TNN: variants seen among roughly 807,000 people sequenced by gnomAD.
TNN encodes tenascin-N.
Under a neutral mutation model 134.4 loss-of-function variants are expected in TNN, and 122 were observed. That is an observed-to-expected ratio of 0.91 (90% CI 0.78 to 1.06). TNN has a LOEUF of 1.06. TNN is among the 50% of genes least tolerant of loss of function. TNN has a pLI of 0.00. For missense variants in TNN, 1,739 were observed against 1,699.4 expected (o/e 1.02, Z -0.41); for synonymous variants, 710 against 670.3 (o/e 1.06, Z -0.91).
intron 4 of TNN, among the ~76,000 whole-genome samples, 194 bp from the exon 5 acceptor site, chr1:175,083,556 G>A (rs999126669): frequency 1.3e-5 from 2 of 152,184 alleles, no homozygotes; most frequent in Non-Finnish European, 2.9e-5. Flanking sequence ...TCTGCCCATG[G>A]AATATGTGAA....
chr1:175,097,294 C>A (rs1674592937), intron 7 of TNN, 123 bp from the exon 8 acceptor site: 1 of 1,261,814 alleles, frequency 7.9e-7, no homozygotes, highest in East Asian at 2.3e-5. Context: ...TACATTAACT[C>A]AATCATTGAC....
chr1:175,079,192 T>C (rs1674126857), intron 2 of TNN, 141 bp from the exon 3 acceptor site: 1 of 1,061,400 alleles, frequency 9.4e-7, no homozygotes, highest in Non-Finnish European at 1.3e-6. Flanking sequence ...CTCCAAAAAA[T>C]AGCCGTGCAA....
Position 175,142,905 on chromosome 1 carries a change from C to G in TNN, c.3596-1482C>G, listed in dbSNP as rs151245675. ...TGCTGGGATTACAGGTGTGAGCCAC[C>G]GTGCCTGGCCCATTTGCATTTCTAA... On this transcript the variant is annotated intron_variant, in intron 17 of 18. Transcript: ENST00000239462. Among the ~76,000 whole-genome samples, 67 of 152,282 alleles carry G rather than the reference C, an allele frequency of 4.4e-4. 1 individual carries two copies. In the East Asian group the frequency reaches 0.012, roughly 26 times the overall value.
At chr1:175,100,433 C>T (rs548465937) in intron 9 of TNN, among the ~76,000 whole-genome samples, 57 of 152,354 alleles carry the variant, frequency 3.7e-4, no homozygotes, top group Middle Eastern at 6.8e-3. Flanking sequence ...CCATGGGACT[C>T]ACAGTGTATC....
intron 9 of TNN, among the ~76,000 whole-genome samples, chr1:175,104,356 C>A (rs1487532693): frequency 6.8e-6 from 1 of 145,998 alleles, no homozygotes; most frequent in East Asian, 2.3e-4. Context: ...GTTGTTGGAT[C>A]ATCTGGTTGG....
rs753551897 is a variant in TNN, at chr1:175,135,899, T to C, written c.3385T>C (p.Tyr1129His). 3.1e-6 allele frequency: 5 copies of C among 1,613,812 alleles called. No individual in the cohort carries two copies. The African/African-American group carries it at 6.7e-5, about 22-fold the overall frequency. Reference protein sequence around the residue: ...QLDFFKRWRSYVEGFGDPMKE... With the variant: ...QLDFFKRWRSHVEGFGDPMKE... The stretch of plus-strand genomic sequence containing the variant: ...GGATTTCTTCAAGCGATGGAGGAGC[T>C]ATGTGGAAGGCTTTGGGGACCCCAT... Residue 1129 changes from tyrosine (Y) to histidine (H), a missense_variant, in exon 16 of 19, where the codon TAT (tyrosine) becomes CAT (histidine). By Grantham distance (83) the Tyr-to-His change is moderately conservative. Transcript: ENST00000239462.
intron 1 of TNN, among the ~76,000 whole-genome samples, chr1:175,074,484 G>GAAA (rs55952749): frequency 1.1e-3 from 128 of 118,876 alleles, no homozygotes; most frequent in East Asian, 1.5e-3. Context: ...GATCCTGTCT[G>GAAA]AAAAAAAAAA....
rs372189219 is a variant in TNN at position 175,073,408 on chromosome 1, C to T, written c.-35-3976C>T. ...GCCTTCCAACTCATTTTCCTGGCTT[C>T]CCACTCCCCCCATCTTCTGACAAAA... is the stretch of plus-strand genomic sequence containing the variant. On this transcript the variant is annotated intron_variant, in intron 1 of 18. Coordinates refer to ENST00000239462, the MANE Select transcript of TNN (RefSeq NM_022093.2). Among the ~76,000 whole-genome samples, 41 of 152,234 alleles carry T rather than the reference C, an allele frequency of 2.7e-4. 1 individual carries two copies. Among genetic ancestry groups the T allele is most frequent in the African/African-American group, 9.4e-4 (39 of 41,526 alleles).
At chr1:175,116,178 A>G (rs148134279) in intron 9 of TNN, among the ~76,000 whole-genome samples, 3,074 of 152,278 alleles carry the variant, frequency 0.02, 43 homozygotes, top group South Asian at 0.028. Context: ...AATATTCACA[A>G]TAACTCTGTA....
At chr1:175,137,620 T>A (rs1287394344) in intron 17 of TNN, among the ~76,000 whole-genome samples, 1 of 152,156 alleles carries the variant, frequency 6.6e-6, no homozygotes, top group East Asian at 1.9e-4. Flanking sequence ...TTAAGCAACA[T>A]GACTGAAATG....
chr1:175,126,817 A>G (rs1675540505), intron 12 of TNN, 138 bp from the exon 13 acceptor site: 11 of 894,320 alleles, frequency 1.2e-5, no homozygotes, highest in Middle Eastern at 3.0e-4. Flanking sequence ...GCAGGGAGGA[A>G]GAGAGCCTGC....
chr1:175,069,912 G>A lies in TNN; in HGVS notation c.-36+1977G>A, dbSNP rs923915780. On this transcript the variant is annotated intron_variant, in intron 1 of 18. Transcript: ENST00000239462. ...TACTTCAATATGTGGAAAACAACAC[G>A]TTAGCTAAAGAAAGAAATTGCAGAG... 5.3e-5 allele frequency among the ~76,000 whole-genome samples: 8 copies of A among 152,350 alleles called. No homozygotes were observed. The South Asian group carries it at 1.4e-3, about 28-fold the overall frequency.
At chr1:175,085,741 G>A (rs1674310132) in intron 6 of TNN, among the ~76,000 whole-genome samples, 1 of 152,100 alleles carries the variant, frequency 6.6e-6, no homozygotes, top group Non-Finnish European at 1.5e-5. Context: ...GGGCGTGGTG[G>A]CGCATGCCTG....
chr1:175,086,775 G>T (rs1031619392), intron 6 of TNN, among the ~76,000 whole-genome samples: 3 of 152,220 alleles, frequency 2.0e-5, no homozygotes, highest in African/African-American at 7.2e-5. Flanking sequence ...AAGGTAGACT[G>T]TACAGTCTGC....
rs200860132 is a variant in TNN, at chr1:175,077,551, A to G, written c.133A>G (p.Thr45Ala). Residue 45 changes from threonine to alanine, a missense_variant, in exon 2 of 19, where the codon ACC (threonine) becomes GCC (alanine). By Grantham distance (58) the Thr-to-Ala change is moderately conservative (BLOSUM62 0). Coordinates refer to ENST00000239462, the MANE Select transcript of TNN (RefSeq NM_022093.2). ...NKEQQVTVSHTYKIDVPKSAL... is the reference protein window; with the variant it reads ...NKEQQVTVSHAYKIDVPKSAL... ...GGAGCAACAGGTCACTGTCAGCCACACCTACAAGATCGATGTGCCCAAGTC... is the reference window on the plus strand; with the variant it reads ...GGAGCAACAGGTCACTGTCAGCCACGCCTACAAGATCGATGTGCCCAAGTC... 6.2e-7 allele frequency: 1 copy of G among 1,614,154 alleles called. No individual in the cohort carries two copies. The highest frequency in any genetic ancestry group is 8.5e-7 in the Non-Finnish European group (1 of 1,180,032).
chr1:175,069,844 A>G (rs1673878086), intron 1 of TNN, among the ~76,000 whole-genome samples: 1 of 152,262 alleles, frequency 6.6e-6, no homozygotes, highest in Non-Finnish European at 1.5e-5. Flanking sequence ...CTTGGAAATT[A>G]GCAAACGCTC....
chr1:175,112,686 C>T (rs923515349), intron 9 of TNN, among the ~76,000 whole-genome samples: 3 of 125,772 alleles, frequency 2.4e-5, no homozygotes, highest in Admixed American at 1.0e-4. Flanking sequence ...GGTGTAATCT[C>T]GGCTCACTGC....
intron 1 of TNN, among the ~76,000 whole-genome samples, chr1:175,071,045 G>A (rs1320289212): frequency 6.6e-6 from 1 of 152,184 alleles, no homozygotes; most frequent in African/African-American, 2.4e-5. Flanking sequence ...TATCCACCCT[G>A]TCATTTGGGG....
At position 175,103,514 on chromosome 1, in the gene TNN, C is replaced by T. The variant is rs1304524449; in HGVS notation, c.2119+4919C>T. Among the ~76,000 whole-genome samples, 2 of 145,762 alleles carry T rather than the reference C, an allele frequency of 1.4e-5. 1 individual carries two copies. Among genetic ancestry groups the T allele is most frequent in the East Asian group, 4.6e-4 (2 of 4,378 alleles). Reference sequence around the variant, plus strand: ...TGAAGATCCACATAAGTAGAATATGCCTTGGCTGGGTAGATAGAAATTTAC... The same window carrying T: ...TGAAGATCCACATAAGTAGAATATGTCTTGGCTGGGTAGATAGAAATTTAC... On this transcript the variant is annotated intron_variant, in intron 9 of 18. Coordinates refer to ENST00000239462, the MANE Select transcript of TNN (RefSeq NM_022093.2).
Sources: allele counts gnomAD v4.1 joint callset (sites outside exome capture counted in the v4.1 genomes callset), GRCh38; gene constraint gnomAD v4.1.1; transcripts MANE v1.5; gene names NCBI Gene and HGNC (gene_info 2026-07-23, HGNC 2026-07-21).